The following CUBN variants were observed in gnomAD, a reference collection of about 807,000 sequenced individuals.
CUBN encodes the protein cubilin, also known as 460 kDa receptor.
Under a neutral mutation model 405.3 loss-of-function variants are expected in CUBN, and 282 were observed. The observed-to-expected ratio is 0.70, with a 90% CI of 0.63 to 0.77. CUBN has a LOEUF of 0.77. CUBN is among the 30% of genes least tolerant of loss of function. CUBN has a pLI of 0.00. For synonymous variants in CUBN, 1,684 were observed against 1,617.0 expected (o/e 1.04, Z -0.99); for missense variants, 4,514 against 4,475.2 (o/e 1.01, Z -0.25).
chr10:16,990,030 C>T (rs374931656), intron 29 of CUBN, among the ~76,000 whole-genome samples: 1 of 152,196 alleles, frequency 6.6e-6, no homozygotes, highest in African/African-American at 2.4e-5. Flanking sequence ...GCCCAAGTTG[C>T]CCCCAGGGGC....
At chr10:17,092,953 T>G (rs552786890) in intron 14 of CUBN, among the ~76,000 whole-genome samples, 1 of 152,324 alleles carries the variant, frequency 6.6e-6, no homozygotes, top group South Asian at 2.1e-4. Context: ...AAGGAATTAT[T>G]GTTTGTTTGT....
At chr10:17,088,557 T>C (rs1324382191) in intron 14 of CUBN, among the ~76,000 whole-genome samples, 5 of 152,236 alleles carry the variant, frequency 3.3e-5, no homozygotes, top group Non-Finnish European at 7.3e-5. Context: ...ATCACCCATG[T>C]GTCAAGCTCT....
intron 10 of CUBN, among the ~76,000 whole-genome samples, chr10:17,106,525 G>A (rs1479332993): frequency 6.6e-6 from 1 of 150,912 alleles, no homozygotes; most frequent in Admixed American, 6.6e-5. Context: ...TTCAACCCAG[G>A]AGGTGGAGGT....
intron 28 of CUBN, among the ~76,000 whole-genome samples, chr10:17,018,372 G>C (rs1019684437): frequency 2.0e-5 from 3 of 152,134 alleles, no homozygotes; most frequent in African/African-American, 7.2e-5. Context: ...GCGGACCCTC[G>C]TGGTGAGTGT....
intron 31 of CUBN, among the ~76,000 whole-genome samples, chr10:16,954,779 T>C (rs1351866222): frequency 2.6e-5 from 4 of 152,144 alleles, no homozygotes; most frequent in Non-Finnish European, 4.4e-5. Flanking sequence ...ATTAGATTTC[T>C]TGATATCTTC....
chr10:16,852,376 C>T (rs1219827434), intron 59 of CUBN, among the ~76,000 whole-genome samples: 1 of 139,236 alleles, frequency 7.2e-6, no homozygotes, highest in Non-Finnish European at 1.6e-5. Context: ...TCTATCTTTG[C>T]CTCCCTCACT....
intron 27 of CUBN, among the ~76,000 whole-genome samples, chr10:17,031,354 C>G (rs538411499): frequency 2.0e-5 from 3 of 152,196 alleles, no homozygotes; most frequent in Non-Finnish European, 4.4e-5. Flanking sequence ...TAGATTTGTT[C>G]TCTATTTGCC....
At chr10:17,072,045 G>C (rs542514806) in intron 17 of CUBN, 74 bp from the exon 18 acceptor site, 1 of 1,231,242 alleles carries the variant, frequency 8.1e-7, no homozygotes, top group Non-Finnish European at 1.2e-6. Context: ...GTTACTTGGA[G>C]ATGAAAAAAT....
intron 29 of CUBN, among the ~76,000 whole-genome samples, chr10:16,986,253 C>A (rs1344454000): frequency 1.3e-5 from 2 of 151,908 alleles, no homozygotes; most frequent in Non-Finnish European, 2.9e-5. Flanking sequence ...CTGGGCACAG[C>A]GCCCTCCCAC....
chr10:16,840,514 T>C lies in CUBN; in HGVS notation c.9848A>G (p.Asn3283Ser), dbSNP rs765490955. 10 of 1,606,590 alleles carry C rather than the reference T, an allele frequency of 6.2e-6. No individual in the cohort carries two copies. In the South Asian group the frequency reaches 6.7e-5, roughly 11 times the overall value. ...AATATTTTGTGGGGTCCAAGTTGCA[T>C]TGTATGTTCCACCACAAGGCACTGG... ...IMDMPCGGTY[N>S]ATWTPQNISS... The change falls in exon 62 of 67, where the codon AAT becomes AGT. Residue 3283 changes from asparagine to serine, a missense_variant. Physicochemically the swap from Asn to Ser is conservative, Grantham distance 46. Coordinates refer to ENST00000377833, the MANE Select transcript of CUBN (RefSeq NM_001081.4).
chr10:16,990,584 A>G, intron 28 of CUBN, 69 bp from the exon 29 acceptor site: 2 of 1,412,356 alleles, frequency 1.4e-6, no homozygotes. Context: ...TCCAAATTCA[A>G]CTCACCGAAA....
At chr10:16,830,709 A>G (rs1838961880) in intron 65 of CUBN, among the ~76,000 whole-genome samples, 5 of 152,242 alleles carry the variant, frequency 3.3e-5, no homozygotes, top group Admixed American at 2.6e-4. Context: ...TAATTTACCA[A>G]GGAATTTTTG....
chr10:17,044,546 T>C (rs1197867858), intron 25 of CUBN, among the ~76,000 whole-genome samples: 1 of 152,074 alleles, frequency 6.6e-6, no homozygotes, highest in Non-Finnish European at 1.5e-5. Context: ...CCTTGTTTTT[T>C]GATTCCATAG....
intron 31 of CUBN, among the ~76,000 whole-genome samples, chr10:16,980,748 G>A (rs1233894222): frequency 6.6e-6 from 1 of 151,956 alleles, no homozygotes; most frequent in Admixed American, 6.6e-5. Context: ...GTAGATGACG[G>A]GTTGATGAGT....
intron 24 of CUBN, 29 bp from the exon 25 acceptor site, chr10:17,045,217 C>T: frequency 6.2e-7 from 1 of 1,606,660 alleles, no homozygotes; most frequent in Non-Finnish European, 8.5e-7. Context: ...GAATGACACA[C>T]ACCCCTTTCC....
Position 17,114,037 on chromosome 10 carries a change from G to C in CUBN, c.873C>G (p.Ala291=). 1 of 1,612,658 alleles carries C rather than the reference G, an allele frequency of 6.2e-7. No individual in the cohort carries two copies. The highest frequency in any genetic ancestry group is 1.3e-5 in the African/African-American group (1 of 75,032). The part of the protein sequence containing the change: ...FNTQGSFYCG[A]CPTGWQGNGY... The stretch of plus-strand genomic sequence containing the variant: ...GCCCTGAGAATGTACCTGTTGGACA[G>C]GCCCCACAGTAGAAAGAGCCTTGAG... Residue 291 remains alanine, a synonymous_variant, in exon 8 of 67, where the codon GCC becomes GCG. Transcript: ENST00000377833.
chr10:16,993,878 CAGTT>C (rs748013013), intron 28 of CUBN, among the ~76,000 whole-genome samples: 17 of 152,080 alleles, frequency 1.1e-4, no homozygotes, highest in South Asian at 2.1e-4. Context: ...GGGAAAGAAA[CAGTT>C]AGGGCTTGAA....
At chr10:17,066,382 A>G (rs1835615145) in intron 21 of CUBN, among the ~76,000 whole-genome samples, 1 of 152,180 alleles carries the variant, frequency 6.6e-6, no homozygotes, top group Non-Finnish European at 1.5e-5. Flanking sequence ...TCTCAAATCA[A>G]AGCACACTTG....
At chr10:17,041,769 G>A (rs749283960) in intron 26 of CUBN, among the ~76,000 whole-genome samples, 2 of 152,018 alleles carry the variant, frequency 1.3e-5, no homozygotes, top group South Asian at 2.1e-4. Context: ...TAAAGGCTCC[G>A]TTCTCCCTCT....
Sources: allele counts gnomAD v4.1 joint callset (sites outside exome capture counted in the v4.1 genomes callset), GRCh38; gene constraint gnomAD v4.1.1; transcripts MANE v1.5; gene names NCBI Gene and HGNC (gene_info 2026-07-23, HGNC 2026-07-21).